Variants in WDHD1 observed in about 807,000 individuals in gnomAD.
The protein encoded by WDHD1 is WD repeat and HMG-box DNA binding protein 1.
A neutral mutation model predicts 135.4 loss-of-function variants in WDHD1; 111 were observed. The observed-to-expected ratio is 0.82, with a 90% CI of 0.70 to 0.96. The LOEUF (loss-of-function observed/expected upper bound fraction) is 0.96, where lower values mean the gene tolerates loss of function less well. Among genes scored for constraint, WDHD1 ranks in the 40% least tolerant of loss-of-function variants. WDHD1 has a pLI of 0.00. For synonymous variants in WDHD1, 434 were observed against 439.0 expected, an observed-to-expected ratio of 0.99 and a Z score of 0.14; for missense variants, 1,351 against 1,336.3, an observed-to-expected ratio of 1.01 and a Z score of -0.17.
intron 17 of WDHD1, 97 bp downstream of exon 17, chr14:54,967,183 G>T: frequency 9.9e-7 from 1 of 1,011,712 alleles, no homozygotes; most frequent in Non-Finnish European, 1.5e-6. Context: ...ATACAGTAAT[G>T]AATATTCAAT....
Position 55,013,469 on chromosome 14 carries a change from T to C in WDHD1, c.189+16A>G, listed in dbSNP as rs747522092. 2 of 1,552,818 alleles carry C rather than the reference T, an allele frequency of 1.3e-6. No homozygotes were observed. Among genetic ancestry groups the C allele is most frequent in the African/African-American group, 1.4e-5 (1 of 73,744 alleles). ...CAGTATCATTTCATATCAATTGATA[T>C]AACTGTTTTTACTACCTTCAAAGCA... On this transcript the variant is annotated intron_variant, in intron 3 of 25. Coordinates refer to ENST00000360586, the MANE Select transcript of WDHD1 (RefSeq NM_007086.4).
intron 8 of WDHD1, among the ~76,000 whole-genome samples, chr14:55,001,400 A>G (rs1360025435): frequency 6.6e-6 from 1 of 152,198 alleles, no homozygotes; most frequent in Non-Finnish European, 1.5e-5. Context: ...AGCTAGGGCT[A>G]CAGGCATGCA....
At chr14:55,017,490 G>A (rs956497421) in intron 2 of WDHD1, among the ~76,000 whole-genome samples, 7 of 151,826 alleles carry the variant, frequency 4.6e-5, no homozygotes, top group Non-Finnish European at 4.4e-5. Context: ...TTACAGGCAC[G>A]CACCACCCAC....
Position 54,982,095 on chromosome 14 carries a change from C to G in WDHD1, c.1907-399G>C, listed in dbSNP as rs537139464. ...GATCTCGGCCCACTGCAAGCTCCGC[C>G]TTCCAGGTTCAAGCCATTCTCCTGC... On this transcript the variant is annotated intron_variant, in intron 15 of 25. Coordinates refer to ENST00000360586, the MANE Select transcript of WDHD1 (RefSeq NM_007086.4). Among the ~76,000 whole-genome samples, 3 of 152,104 alleles carry G rather than the reference C, an allele frequency of 2.0e-5. No individual in the cohort carries two copies. In the East Asian group the frequency reaches 5.8e-4, roughly 29 times the overall value.
In WDHD1 at chr14:55,000,918, A is replaced by G; in HGVS notation, c.768T>C (p.Val256=). 1 of 1,587,938 alleles carries G rather than the reference A, an allele frequency of 6.3e-7. No individual in the cohort carries two copies. Among genetic ancestry groups the G allele is most frequent in the African/African-American group, 1.4e-5 (1 of 73,890 alleles). The change falls in exon 9 of 26, where the codon GTT becomes GTC. Residue 256 remains valine, a synonymous_variant. Transcript: ENST00000360586. ...AAGSINGLII[V]WNVETKDCME... ...TGCAGTCTTTGGTTTCCACATTCCA[A>G]ACTATGATTAGACCATTAATACTAC...
chr14:55,015,201 A>G (rs28693954), intron 2 of WDHD1, among the ~76,000 whole-genome samples: 53,928 of 151,634 alleles, frequency 0.36, 9,826 homozygotes, highest in African/African-American at 0.44. Flanking sequence ...CCTGACCAAC[A>G]TGGCAAAACC....
intron 15 of WDHD1, among the ~76,000 whole-genome samples, chr14:54,982,950 A>T (rs982113173): frequency 6.6e-5 from 10 of 152,154 alleles, no homozygotes; most frequent in African/African-American, 1.9e-4. Flanking sequence ...GGATCACCTG[A>T]TGCCAGGAGT....
intron 3 of WDHD1, among the ~76,000 whole-genome samples, chr14:55,011,449 G>A (rs897790486): frequency 6.0e-5 from 9 of 149,996 alleles, no homozygotes; most frequent in Non-Finnish European, 8.9e-5. Flanking sequence ...ACCTGAACCC[G>A]GGAGGCGGCG....
chr14:54,979,155 A>G (rs562702376), intron 16 of WDHD1, among the ~76,000 whole-genome samples: 1 of 152,026 alleles, frequency 6.6e-6, no homozygotes, highest in South Asian at 2.1e-4. Context: ...TCCTCTTCAC[A>G]CCAAAGTTCT....
intron 24 of WDHD1, among the ~76,000 whole-genome samples, chr14:54,950,436 CAAG>C (rs1163220209): frequency 2.0e-5 from 3 of 152,162 alleles, no homozygotes; most frequent in South Asian, 2.1e-4. Context: ...TTCAATTCAA[CAAG>C]AAGAGCTAAC....
Position 54,970,216 on chromosome 14 carries a change from C to A in WDHD1, c.2064-2822G>T, listed in dbSNP as rs192852201. On this transcript the variant is annotated intron_variant, in intron 16 of 25. Coordinates refer to ENST00000360586, the MANE Select transcript of WDHD1 (RefSeq NM_007086.4). Reference sequence around the variant, plus strand: ...TTAGCCAGAACAATCAAGTAAGATACCAAAATAGGAAAAGAAGTCAAATAT... The same window carrying A: ...TTAGCCAGAACAATCAAGTAAGATAACAAAATAGGAAAAGAAGTCAAATAT... Among the ~76,000 whole-genome samples the A allele has an allele frequency of 3.3e-5, 5 of 152,002 alleles. No individual in the cohort carries two copies. In the East Asian group the frequency reaches 9.7e-4, roughly 29 times the overall value.
chr14:54,961,321 T>TA lies in WDHD1; in HGVS notation c.2701+1176dup, dbSNP rs201260147. On this transcript the variant is annotated intron_variant, in intron 21 of 25. Transcript: ENST00000360586. ...CAACAGAGTGACACCCCATCTCTAT[T>TA]AAAAAAAATAAAATAAAATAAAAAA... 9.0e-4 allele frequency among the ~76,000 whole-genome samples: 137 copies of TA among 151,514 alleles called. 3 individuals carry two copies. The East Asian group carries it at 0.022, about 24-fold the overall frequency.
chr14:55,022,154 G>A (rs1415100548), intron 2 of WDHD1, among the ~76,000 whole-genome samples: 1 of 152,122 alleles, frequency 6.6e-6, no homozygotes. Context: ...AATTTTAAAG[G>A]CAGTCCCTTA....
At chr14:54,962,646 T>C in intron 20 of WDHD1, 92 bp downstream of exon 20, 1 of 1,536,506 alleles carries the variant, frequency 6.5e-7, no homozygotes, top group Non-Finnish European at 9.0e-7. Flanking sequence ...TGAAAAAAAG[T>C]ATGAGTATTC....
chr14:54,966,780 C>T lies in WDHD1; in HGVS notation c.2179-174G>A, dbSNP rs1428408104. ...GTGATACTACAGCTTAACTTTTTCC[C>T]CTATCCTTAAAAAAGGCAGCTGGGG... is the stretch of plus-strand genomic sequence containing the variant. On this transcript the variant is annotated intron_variant, in intron 17 of 25. Coordinates refer to ENST00000360586, the MANE Select transcript of WDHD1 (RefSeq NM_007086.4). 2.6e-5 allele frequency among the ~76,000 whole-genome samples: 4 copies of T among 152,162 alleles called. No individual in the cohort carries two copies. The South Asian group carries it at 6.2e-4, about 24-fold the overall frequency.
intron 15 of WDHD1, among the ~76,000 whole-genome samples, chr14:54,984,015 A>G (rs192623574): frequency 2.6e-4 from 40 of 152,320 alleles, no homozygotes; most frequent in African/African-American, 9.6e-4. Flanking sequence ...CCATATTTCA[A>G]GTGCTCAACA....
At chr14:54,948,754 C>T (rs2040980246) in intron 24 of WDHD1, among the ~76,000 whole-genome samples, 2 of 152,192 alleles carry the variant, frequency 1.3e-5, no homozygotes, top group Admixed American at 1.3e-4. Context: ...GAGGCACCCC[C>T]CAGTAGGGGC....
chr14:54,939,118 T>G lies in WDHD1; in HGVS notation c.*2372A>C, dbSNP rs998955838. 15 of 152,320 alleles carry G rather than the reference T, an allele frequency of 9.8e-5. No homozygotes were observed. The highest frequency in any genetic ancestry group is 3.4e-4 in the African/African-American group (14 of 41,584). The allele number at this position is 152,320 out of a possible 1,614,324, so 9.4% of individuals were successfully genotyped here. On this transcript the variant is annotated 3_prime_UTR_variant, in exon 26 of 26. Transcript: ENST00000360586. ...ATATACAGGTGCTTACTGTCAAATT[T>G]CAAATTTTCTGTAGGTTTGAGAGAT...
chr14:54,960,802 G>A (rs912134940), intron 21 of WDHD1, among the ~76,000 whole-genome samples: 1 of 149,394 alleles, frequency 6.7e-6, no homozygotes, highest in Non-Finnish European at 1.5e-5. Context: ...CACCACGCCT[G>A]GCCTATTTAT....
Sources: gnomAD v4.1 joint callset for allele counts (sites outside exome capture counted in the v4.1 genomes callset) on GRCh38, gnomAD v4.1.1 for gene constraint, MANE v1.5 for transcripts, NCBI Gene and HGNC (gene_info 2026-07-23, HGNC 2026-07-21) for gene names.